The following ZNF654 variants were observed in gnomAD, a reference collection of about 807,000 sequenced individuals.
ZNF654 encodes melanoma-associated antigen.
In ZNF654, 19 loss-of-function variants were observed where a neutral mutation model predicts 95.3. The ratio of observed to expected loss-of-function variants is 0.20; its 90% CI spans 0.14 to 0.29. The LOEUF (loss-of-function observed/expected upper bound fraction) is 0.29, where lower values mean the gene tolerates loss of function less well. Ranked by LOEUF, ZNF654 falls within the 10% of genes least tolerant of loss-of-function variation. The pLI is 1.00. For missense variants in ZNF654, 1,046 were observed against 1,341.0 expected (o/e 0.78, Z 3.44); for synonymous variants, 413 against 457.9 (o/e 0.90, Z 1.25).
At chr3:88,075,198 C>T (rs1707732682) in intron 1 of ZNF654, among the ~76,000 whole-genome samples, 1 of 152,194 alleles carries the variant, frequency 6.6e-6, no homozygotes, top group Admixed American at 6.5e-5. Flanking sequence ...AGTGTGGAAT[C>T]TGTTGAGTGG....
chr3:88,131,132 C>T (rs1235170252), intron 6 of ZNF654, among the ~76,000 whole-genome samples: 1 of 152,098 alleles, frequency 6.6e-6, no homozygotes, highest in Non-Finnish European at 1.5e-5. Context: ...TGCTCCTAGG[C>T]TACAAACCTG....
intron 2 of ZNF654, among the ~76,000 whole-genome samples, chr3:88,108,134 T>C (rs1241157333): frequency 6.6e-6 from 1 of 152,142 alleles, no homozygotes; most frequent in Non-Finnish European, 1.5e-5. Context: ...AATTCTTGGC[T>C]TGAGAATTTT....
Position 88,094,393 on chromosome 3 carries a change from G to A in ZNF654, c.332+7991G>A, listed in dbSNP as rs57318160. On this transcript the variant is annotated intron_variant, in intron 2 of 8. Transcript: ENST00000636215. ...GTGGTTGGGACTATAGTTGTTTTAT[G>A]AGCAAAGAGATAGATTACTAATTGG... 3.0e-3 allele frequency among the ~76,000 whole-genome samples: 463 copies of A among 152,184 alleles called. 3 individuals carry two copies. The highest frequency in any genetic ancestry group is 0.011 in the African/African-American group (445 of 41,528).
chr3:88,071,153 A>G (rs1327401448), intron 1 of ZNF654, among the ~76,000 whole-genome samples: 1 of 152,206 alleles, frequency 6.6e-6, no homozygotes, highest in Admixed American at 6.5e-5. Context: ...AAACTATATT[A>G]TGCAGTTCCC....
At chr3:88,101,724 T>C (rs922051363) in intron 2 of ZNF654, among the ~76,000 whole-genome samples, 3 of 152,292 alleles carry the variant, frequency 2.0e-5, no homozygotes, top group Non-Finnish European at 2.9e-5. Context: ...GATTAGTTTA[T>C]GTTTAGCGTT....
intron 2 of ZNF654, among the ~76,000 whole-genome samples, chr3:88,098,000 G>C (rs1399919018): frequency 6.6e-6 from 1 of 152,022 alleles, no homozygotes; most frequent in African/African-American, 2.4e-5. Context: ...AACTGAAGGA[G>C]ATAGAGACAT....
intron 3 of ZNF654, among the ~76,000 whole-genome samples, chr3:88,119,549 T>TAA (rs56122963): frequency 7.0e-6 from 1 of 142,076 alleles, no homozygotes; most frequent in African/African-American, 2.6e-5. Context: ...AATAATAAAT[T>TAA]AAAAAAAAAA....
chr3:88,138,999 G>A lies in ZNF654; in HGVS notation c.1330G>A (p.Gly444Arg), dbSNP rs1488643876. The change falls in exon 8 of 9, where the codon GGA (glycine) becomes AGA (arginine). Residue 444 changes from glycine (G) to arginine (R), a missense_variant. By Grantham distance (125) the Gly-to-Arg change is moderately radical. Transcript: ENST00000636215. ...TGAATTGCTTCCAATTTTGAAAAAG[G>A]GATTGTTTTTTGACCCTGAATTTTG... is the stretch of plus-strand genomic sequence containing the variant. ...RFELLPILKK[G>R]LFFDPEFWNF... is the part of the protein sequence containing the mutation. 8.0e-7 allele frequency: 1 copy of A among 1,245,250 alleles called. No individual in the cohort carries two copies. Among genetic ancestry groups the A allele is most frequent in the Non-Finnish European group, 1.0e-6 (1 of 996,750 alleles). The allele number at this position is 1,245,250 out of a possible 1,614,324, so 77.1% of individuals were successfully genotyped here.
chr3:88,088,418 TTA>T (rs1203089221), intron 2 of ZNF654, among the ~76,000 whole-genome samples: 3 of 152,246 alleles, frequency 2.0e-5, no homozygotes, highest in African/African-American at 7.2e-5. Flanking sequence ...ATTAGCATTT[TTA>T]GAGAGAATTG....
chr3:88,063,368 TG>T (rs1706997903), intron 1 of ZNF654, among the ~76,000 whole-genome samples: 1 of 152,284 alleles, frequency 6.6e-6, no homozygotes, highest in South Asian at 2.1e-4. Flanking sequence ...AAGTAACGAC[TG>T]TGGGCCAGGC....
At chr3:88,120,592 C>T (rs1305977758) in intron 3 of ZNF654, among the ~76,000 whole-genome samples, 4 of 152,214 alleles carry the variant, frequency 2.6e-5, no homozygotes, top group African/African-American at 9.6e-5. Context: ...CATTCAGCCC[C>T]AAACACAAAT....
intron 1 of ZNF654, among the ~76,000 whole-genome samples, chr3:88,063,663 T>C (rs1250782128): frequency 2.0e-5 from 3 of 152,198 alleles, no homozygotes; most frequent in Admixed American, 6.6e-5. Flanking sequence ...TAAGAAGTCA[T>C]ATAAGGCCTA....
chr3:88,130,332 T>C (rs922914965), intron 6 of ZNF654, among the ~76,000 whole-genome samples: 4 of 152,200 alleles, frequency 2.6e-5, no homozygotes, highest in East Asian at 1.9e-4. Context: ...TTTTATTTGC[T>C]AAACATAATC....
chr3:88,126,351 A>T (rs1184489933), intron 4 of ZNF654, 82 bp downstream of exon 4: 2 of 1,249,886 alleles, frequency 1.6e-6, no homozygotes, highest in African/African-American at 1.5e-5. Flanking sequence ...AGTAATAGTA[A>T]TTTTTCTTCA....
In ZNF654 at chr3:88,139,287, C is replaced by A. The variant is rs1433221792; in HGVS notation, c.1618C>A (p.His540Asn). Residue 540 changes from histidine to asparagine, a missense_variant, in exon 8 of 9, where the codon CAC becomes AAC. This residue lies in a region of ZNF654 where 100 missense variants were observed against 108.9 expected (regional missense o/e 0.92). Coordinates refer to ENST00000636215, the MANE Select transcript of ZNF654 (RefSeq NM_001350134.2). ...AGCTCTCAGTACTTCCAAAGTAGAT[C>A]ACAATGTCCCAAGGCATCGTTGTAT... ...LTALSTSKVD[H>N]NVPRHRCMLC... is the part of the protein sequence containing the mutation. 2 of 1,563,588 alleles carry A rather than the reference C, an allele frequency of 1.3e-6. No individual in the cohort carries two copies. The highest frequency in any genetic ancestry group is 2.2e-5 in the East Asian group (1 of 44,674).
intron 1 of ZNF654, among the ~76,000 whole-genome samples, chr3:88,076,264 C>T (rs528646271): frequency 2.0e-5 from 3 of 152,268 alleles, no homozygotes; most frequent in Non-Finnish European, 2.9e-5. Context: ...GTTGGATCTC[C>T]GGTCTGGTTC....
At chr3:88,120,523 A>G (rs1705702535) in intron 3 of ZNF654, among the ~76,000 whole-genome samples, 1 of 152,166 alleles carries the variant, frequency 6.6e-6, no homozygotes, top group Non-Finnish European at 1.5e-5. Context: ...GAAGAAGCAA[A>G]TCAGGAGATG....
chr3:88,130,091 GT>G (rs749725446), intron 6 of ZNF654, among the ~76,000 whole-genome samples: 21 of 152,152 alleles, frequency 1.4e-4, no homozygotes, highest in Non-Finnish European at 2.2e-4. Flanking sequence ...TGGAGTCTGA[GT>G]TTTTAAAACA....
chr3:88,088,849 T>C (rs1002957540), intron 2 of ZNF654, among the ~76,000 whole-genome samples: 2 of 151,928 alleles, frequency 1.3e-5, no homozygotes, highest in African/African-American at 4.8e-5. Flanking sequence ...CTCGGCTCAC[T>C]GCAACCTACA....
Sources: allele counts gnomAD v4.1 joint callset (sites outside exome capture counted in the v4.1 genomes callset), GRCh38; gene constraint gnomAD v4.1.1; regional missense constraint gnomAD v4.1.1; transcripts MANE v1.5; gene names NCBI Gene and HGNC (gene_info 2026-07-23, HGNC 2026-07-21).